Variants in CCM2 observed in about 807,000 individuals in gnomAD.
The protein encoded by CCM2 is cerebral cavernous malformations 2 protein.
CCM2 carries 25 observed loss-of-function variants against 44.9 expected under a neutral mutation model. The observed-to-expected ratio is 0.56, with a 90% CI of 0.41 to 0.78. CCM2 has a LOEUF of 0.78. CCM2 is among the 30% of genes least tolerant of loss of function. CCM2 has a pLI of 0.00. For missense variants in CCM2, 481 were observed against 580.6 expected, an observed-to-expected ratio of 0.83 and a Z score of 1.76; for synonymous variants, 219 against 241.1, an observed-to-expected ratio of 0.91 and a Z score of 0.85.
intron 2 of CCM2, among the ~76,000 whole-genome samples, chr7:45,061,291 G>T (rs1798505960): frequency 2.6e-5 from 4 of 152,074 alleles, no homozygotes; most frequent in Admixed American, 2.6e-4. Context: ...TCTCAGTTTT[G>T]TTTTTTTCCT....
chr7:45,060,197 T>C (rs2128745126), intron 2 of CCM2, among the ~76,000 whole-genome samples: 1 of 152,332 alleles, frequency 6.6e-6, no homozygotes, highest in East Asian at 1.9e-4. Flanking sequence ...TCTTTCACTT[T>C]TGAAGGATAA....
intron 2 of CCM2, among the ~76,000 whole-genome samples, chr7:45,052,496 G>C (rs1583938724): frequency 6.6e-6 from 1 of 152,282 alleles, no homozygotes; most frequent in African/African-American, 2.4e-5. Context: ...GTTTAGGTTT[G>C]GGCCACCTGT....
intron 1 of CCM2, among the ~76,000 whole-genome samples, chr7:45,025,471 T>C (rs946002908): frequency 6.6e-6 from 1 of 152,196 alleles, no homozygotes; most frequent in East Asian, 1.9e-4. Context: ...TACGAATTTT[T>C]TATTTTGGCA....
intron 2 of CCM2, among the ~76,000 whole-genome samples, chr7:45,039,794 A>G (rs750180788): frequency 1.8e-4 from 27 of 152,056 alleles, no homozygotes; most frequent in Non-Finnish European, 3.1e-4. Flanking sequence ...TAGGAGGCCA[A>G]GGTGTGCGGA....
intron 1 of CCM2, among the ~76,000 whole-genome samples, chr7:45,015,655 A>C (rs550105154): frequency 6.6e-6 from 1 of 152,228 alleles, no homozygotes; most frequent in Non-Finnish European, 1.5e-5. Context: ...AGTTGGTCCC[A>C]GACATGCCTT....
intron 1 of CCM2, among the ~76,000 whole-genome samples, chr7:45,006,942 A>G (rs1221841084): frequency 6.6e-6 from 1 of 152,228 alleles, no homozygotes; most frequent in Non-Finnish European, 1.5e-5. Context: ...AGGCTAATGC[A>G]CCAGGTGATT....
chr7:45,039,727 A>C (rs1382603228), intron 2 of CCM2, among the ~76,000 whole-genome samples: 2 of 152,180 alleles, frequency 1.3e-5, no homozygotes, highest in Non-Finnish European at 2.9e-5. Flanking sequence ...GAGCTTCTGG[A>C]ATTAAAACTG....
At chr7:45,022,653 G>T (rs1470687800) in intron 1 of CCM2, among the ~76,000 whole-genome samples, 1 of 151,942 alleles carries the variant, frequency 6.6e-6, no homozygotes, top group Admixed American at 6.6e-5. Context: ...TCTTTCAAAA[G>T]AAACATTAAA....
chr7:45,009,225 C>CGGGAG (rs1795967693), intron 1 of CCM2, among the ~76,000 whole-genome samples: 1 of 144,488 alleles, frequency 6.9e-6, no homozygotes, highest in African/African-American at 2.6e-5. Context: ...CGCTTGAACC[C>CGGGAG]GGGAGGCAGA....
chr7:45,002,444 CTA>C (rs1795678444), intron 1 of CCM2, among the ~76,000 whole-genome samples: 1 of 151,950 alleles, frequency 6.6e-6, no homozygotes, highest in Non-Finnish European at 1.5e-5. Context: ...CAGCGCTCGC[CTA>C]TAGTCTCAGC....
chr7:45,061,600 T>C (rs1798526516), intron 2 of CCM2, among the ~76,000 whole-genome samples: 1 of 152,018 alleles, frequency 6.6e-6, no homozygotes, highest in African/African-American at 2.4e-5. Context: ...CCTGAGTAGC[T>C]GGCACCACAG....
chr7:45,027,434 C>T (rs1228002316), intron 1 of CCM2: 7 of 545,784 alleles, frequency 1.3e-5, no homozygotes, highest in South Asian at 8.2e-5. Flanking sequence ...GCTGGAAATG[C>T]AGGGAGGCTG....
At chr7:45,068,376 T>A in intron 4 of CCM2, 67 bp from the exon 5 acceptor site, 1 of 1,606,730 alleles carries the variant, frequency 6.2e-7, no homozygotes, top group Non-Finnish European at 8.5e-7. Flanking sequence ...CGGCCTCAGC[T>A]GTTTCCTCAA....
chr7:45,066,804 ACACAC>A (rs762967936), intron 4 of CCM2, among the ~76,000 whole-genome samples: 6 of 152,188 alleles, frequency 3.9e-5, no homozygotes, highest in Non-Finnish European at 8.8e-5. Context: ...TACCACAGGC[ACACAC>A]CAGGGAGCCA....
intron 1 of CCM2, chr7:45,027,375 G>C (rs1194441386): frequency 2.4e-6 from 1 of 417,172 alleles, no homozygotes; most frequent in Non-Finnish European, 4.5e-6. Flanking sequence ...TGAATGTGCA[G>C]AATGGTGGAC....
rs763778029 is a variant in CCM2 at position 45,038,402 on chromosome 7, C to T, written c.180C>T (p.Ser60=). The change falls in exon 2 of 10, where the codon AGC becomes AGT. Residue 60 remains serine, a synonymous_variant. Coordinates refer to ENST00000258781, the MANE Select transcript of CCM2 (RefSeq NM_031443.4). ...PERVEPDRLL[S]DYIEKEVKYL... ...GCGTCGAGCCAGACAGACTGCTGAG[C>T]GACTATATTGAGAAGGAGGTAAAGG... 1.5e-5 allele frequency: 25 copies of T among 1,613,896 alleles called. No individual in the cohort carries two copies. The highest frequency in any genetic ancestry group is 2.2e-5 in the East Asian group (1 of 44,892).
At chr7:45,066,840 G>T (rs1276243832) in intron 4 of CCM2, among the ~76,000 whole-genome samples, 1 of 151,806 alleles carries the variant, frequency 6.6e-6, no homozygotes, top group Non-Finnish European at 1.5e-5. Context: ...ATGTTTAAAA[G>T]GTAGAGATTT....
At chr7:45,071,702 A>G (rs539256259) in intron 6 of CCM2, 1 of 453,440 alleles carries the variant, frequency 2.2e-6, no homozygotes, top group Admixed American at 2.4e-5. Context: ...TCCAGCTCCT[A>G]AAGGCGGCTG....
chr7:45,015,096 G>A (rs1024591406), intron 1 of CCM2, among the ~76,000 whole-genome samples: 1 of 152,062 alleles, frequency 6.6e-6, no homozygotes, highest in African/African-American at 2.4e-5. Flanking sequence ...CCAGACAGTC[G>A]TCCAAGGAGT....
Sources: gnomAD v4.1 joint callset for allele counts (sites outside exome capture counted in the v4.1 genomes callset) on GRCh38, gnomAD v4.1.1 for gene constraint, MANE v1.5 for transcripts, NCBI Gene and HGNC (gene_info 2026-07-23, HGNC 2026-07-21) for gene names.